Variants in CNOT11 observed in about 807,000 individuals in gnomAD.
CNOT11 encodes CCR4-NOT transcription complex subunit 11, also known as UPF0760 protein C2orf29.
In CNOT11, 18 loss-of-function variants were observed where a neutral mutation model predicts 44.6. That is an observed-to-expected ratio of 0.40 (90% CI 0.28 to 0.60). CNOT11 has a LOEUF of 0.60. CNOT11 is among the 20% of genes least tolerant of loss of function. CNOT11 has a pLI of 0.38. For missense variants in CNOT11, 513 were observed against 677.0 expected (o/e 0.76, Z 2.69); for synonymous variants, 291 against 270.9 (o/e 1.07, Z -0.73).
rs1433556192 is a variant in CNOT11, at chr2:101,253,368, A to G, written c.404A>G (p.Tyr135Cys). Residue 135 changes from tyrosine to cysteine, a missense_variant, in exon 1 of 7, where the codon TAC (tyrosine) becomes TGC (cysteine). Physicochemically the swap from Tyr to Cys is radical, Grantham distance 194 (BLOSUM62 -2). Coordinates refer to ENST00000289382, the MANE Select transcript of CNOT11 (RefSeq NM_017546.5). The surrounding 1 kb of genome is among the most constrained non-coding windows in gnomAD (Gnocchi z 4.3). ...GCGCTCTACCTGCTCTGGGAGATGT[A>G]CCGCACCGAGCCGCTGGCCGCCAAC... Reference protein sequence around the residue: ...LTALYLLWEMYRTEPLAANPF... With the variant: ...LTALYLLWEMCRTEPLAANPF... 1 of 1,596,514 alleles carries G rather than the reference A, an allele frequency of 6.3e-7. No homozygotes were observed. Among genetic ancestry groups the G allele is most frequent in the Non-Finnish European group, 8.5e-7 (1 of 1,177,628 alleles).
At chr2:101,266,052 C>CG (rs750437036) in intron 4 of CNOT11, among the ~76,000 whole-genome samples, 2 of 151,864 alleles carry the variant, frequency 1.3e-5, no homozygotes, top group Admixed American at 6.6e-5. Flanking sequence ...ATTAAGTAGA[C>CG]GGGGGAAAAA....
chr2:101,262,408 C>T (rs946720528), intron 2 of CNOT11, 131 bp from the exon 3 acceptor site: 4 of 776,066 alleles, frequency 5.2e-6, no homozygotes, highest in Admixed American at 5.1e-5. Context: ...TACAGACATA[C>T]ACACATTTTC....
chr2:101,262,418 C>G, intron 2 of CNOT11, 121 bp from the exon 3 acceptor site: 2 of 727,212 alleles, frequency 2.8e-6, no homozygotes, highest in Non-Finnish European at 4.5e-6. Flanking sequence ...CACACATTTT[C>G]TCTCTCTCTC....
chr2:101,263,279 CT>C (rs1457506469), intron 3 of CNOT11, among the ~76,000 whole-genome samples: 7 of 151,542 alleles, frequency 4.6e-5, no homozygotes, highest in Non-Finnish European at 1.5e-5. Context: ...AGCTCATTAT[CT>C]TTTTGTTTTA....
At chr2:101,262,418 C>T in intron 2 of CNOT11, 121 bp from the exon 3 acceptor site, 3 of 727,216 alleles carry the variant, frequency 4.1e-6, no homozygotes, top group Non-Finnish European at 6.7e-6. Flanking sequence ...CACACATTTT[C>T]TCTCTCTCTC....
intron 2 of CNOT11, 146 bp from the exon 3 acceptor site, chr2:101,262,393 A>G (rs986116687): frequency 1.2e-5 from 8 of 664,214 alleles, no homozygotes; most frequent in Middle Eastern, 5.1e-4. Flanking sequence ...AGGACCTGCT[A>G]TACGTACAGA....
rs200029893 is a variant in CNOT11, at chr2:101,257,876, G to A, written c.600G>A (p.Thr200=). 2.5e-6 allele frequency: 4 copies of A among 1,614,002 alleles called. No homozygotes were observed. The highest frequency in any genetic ancestry group is 2.2e-5 in the East Asian group (1 of 44,866). Residue 200 remains threonine, a synonymous_variant, in exon 2 of 7, where the codon ACG becomes ACA. Coordinates refer to ENST00000289382, the MANE Select transcript of CNOT11 (RefSeq NM_017546.5). ...CCCCACGGGAACTCTTCAAAAAGACGCCTCGCCAGATTGCACTGATGGACG... is the reference window on the plus strand; with the variant it reads ...CCCCACGGGAACTCTTCAAAAAGACACCTCGCCAGATTGCACTGATGGACG... The part of the protein sequence containing the change: ...LAPPRELFKK[T]PRQIALMDVG...
At chr2:101,257,039 A>G (rs1263269759) in intron 1 of CNOT11, among the ~76,000 whole-genome samples, 1 of 151,352 alleles carries the variant, frequency 6.6e-6, no homozygotes, top group Admixed American at 6.6e-5. Context: ...ACAGAGCGAG[A>G]TTCCATCTCA....
chr2:101,258,494 C>G (rs867166647), intron 2 of CNOT11, among the ~76,000 whole-genome samples: 1 of 151,818 alleles, frequency 6.6e-6, no homozygotes, highest in Non-Finnish European at 1.5e-5. Context: ...GGAGTTTTCA[C>G]TTGAATTGAT....
At position 101,253,442 on chromosome 2, in the gene CNOT11, C is replaced by CGCG; in HGVS notation, c.484_486dup (p.Gly162dup). The CGCG allele has an allele frequency of 6.6e-7, 1 of 1,525,434 alleles. No individual in the cohort carries two copies. Among genetic ancestry groups the CGCG allele is most frequent in the Non-Finnish European group, 8.7e-7 (1 of 1,148,316 alleles). The allele number at this position is 1,525,434 out of a possible 1,614,324, so 94.5% of individuals were successfully genotyped here. On this transcript the variant is annotated inframe_insertion, in exon 1 of 7. Coordinates refer to ENST00000289382, the MANE Select transcript of CNOT11 (RefSeq NM_017546.5). This position sits in a 1 kb window ranked among gnomAD's most constrained non-coding sequence, Gnocchi z 4.3. ...CCTGCTCAACCCCGCGCCGCCCGCC[C>CGCG]GCGGCGGCCAGGAACCCGACCGCCC...
At chr2:101,255,819 G>A (rs2463235) in intron 1 of CNOT11, among the ~76,000 whole-genome samples, 21,996 of 152,082 alleles carry the variant, frequency 0.14, 2,049 homozygotes, top group South Asian at 0.29. Flanking sequence ...GAGGGCAGGA[G>A]TAGCTCTGCC....
At chr2:101,254,421 C>A (rs574345932) in intron 1 of CNOT11, among the ~76,000 whole-genome samples, 3 of 152,042 alleles carry the variant, frequency 2.0e-5, no homozygotes, top group Non-Finnish European at 2.9e-5. Flanking sequence ...GTGTTCCTGC[C>A]GGGCATCCCA....
At chr2:101,265,455 A>G (rs1681960412) in intron 4 of CNOT11, among the ~76,000 whole-genome samples, 1 of 152,146 alleles carries the variant, frequency 6.6e-6, no homozygotes, top group Non-Finnish European at 1.5e-5. Context: ...GAAAGTGGTA[A>G]GCAATAAACT....
At position 101,253,795 on chromosome 2, in the gene CNOT11, G is replaced by C. The variant is rs1681680285; in HGVS notation, c.514+317G>C. 6.6e-6 allele frequency among the ~76,000 whole-genome samples: 1 copy of C among 152,234 alleles called. No homozygotes were observed. Among genetic ancestry groups the C allele is most frequent in the Admixed American group, 6.5e-5 (1 of 15,280 alleles). ...CGGTTCGTTCTTCGAAAACCCGTCT[G>C]TGGTGTGTGAAGTTAAAACCAATGA... On this transcript the variant is annotated intron_variant, in intron 1 of 6. Transcript: ENST00000289382. The surrounding 1 kb of genome is among the most constrained non-coding windows in gnomAD (Gnocchi z 4.3).
rs1681889103 is a variant in CNOT11 at position 101,262,525 on chromosome 2, TCTC to T, written c.680-11_680-9del. ...TCATGATGTCCATAATTTTAAAATG[TCTC>T]CTATTTCCAGAACGCCAATCTGAAT... On this transcript the variant is annotated splice_polypyrimidine_tract_variant and intron_variant, in intron 2 of 6. Transcript: ENST00000289382. 6.2e-7 allele frequency: 1 copy of T among 1,612,998 alleles called. No homozygotes were observed.
In CNOT11 at chr2:101,269,928, A is replaced by T. The variant is rs1207058966; in HGVS notation, c.*515A>T. On this transcript the variant is annotated 3_prime_UTR_variant, in exon 7 of 7. Transcript: ENST00000289382. The surrounding 1 kb of genome is among the most constrained non-coding windows in gnomAD (Gnocchi z 4.8). The stretch of plus-strand genomic sequence containing the variant: ...CTCCTCATGAGGCACACAGCTCTTA[A>T]CTCCTGATGAACCAAGGATTTACTC... 2.6e-5 allele frequency: 4 copies of T among 152,246 alleles called. No homozygotes were observed. In the East Asian group the frequency reaches 5.8e-4, roughly 22 times the overall value. The allele number at this position is 152,246 out of a possible 1,614,324, so 9.4% of individuals were successfully genotyped here.
In CNOT11 at chr2:101,269,598, GAAAA is replaced by G; in HGVS notation, c.*186_*189del. On this transcript the variant is annotated 3_prime_UTR_variant, in exon 7 of 7. Coordinates refer to ENST00000289382, the MANE Select transcript of CNOT11 (RefSeq NM_017546.5). The surrounding 1 kb of genome is among the most constrained non-coding windows in gnomAD (Gnocchi z 4.8). Reference sequence around the variant, plus strand: ...AGATGAATTTTTGATAAGAACTAGGGAAAACATGTCTTTTAGGTGTCTTGCTGAT... The same window carrying G: ...AGATGAATTTTTGATAAGAACTAGGGCATGTCTTTTAGGTGTCTTGCTGAT... 2 of 507,782 alleles carry G rather than the reference GAAAA, an allele frequency of 3.9e-6. No homozygotes were observed. The highest frequency in any genetic ancestry group is 3.6e-5 in the South Asian group (1 of 27,514). The allele number at this position is 507,782 out of a possible 1,614,324, so 31.5% of individuals were successfully genotyped here.
intron 2 of CNOT11, among the ~76,000 whole-genome samples, chr2:101,261,849 T>TTC (rs1558768028): frequency 7.0e-6 from 1 of 141,866 alleles, no homozygotes; most frequent in Admixed American, 7.0e-5. Context: ...TCTTTCTTTT[T>TTC]TTTTTTTTTT....
intron 2 of CNOT11, among the ~76,000 whole-genome samples, chr2:101,261,910 G>A (rs1573200673): frequency 2.1e-5 from 3 of 146,324 alleles, no homozygotes; most frequent in South Asian, 4.3e-4. Flanking sequence ...GCAGTGGCGC[G>A]ATCTTGGCTC....
Sources: gnomAD v4.1 joint callset for allele counts (sites outside exome capture counted in the v4.1 genomes callset) on GRCh38, gnomAD v4.1.1 for gene constraint, Gnocchi (gnomAD v3.1) non-coding constraint, MANE v1.5 for transcripts, NCBI Gene and HGNC (gene_info 2026-07-23, HGNC 2026-07-21) for gene names.